Variants in GRIP2 observed in about 807,000 individuals in gnomAD.
GRIP2 encodes the protein glutamate receptor-interacting protein 2.
Under a neutral mutation model 108.3 loss-of-function variants are expected in GRIP2, and 58 were observed. The observed-to-expected ratio is 0.54, with a 90% confidence interval of 0.43 to 0.67. The LOEUF is 0.67. Ranked by LOEUF, GRIP2 falls within the 30% of genes least tolerant of loss-of-function variation. GRIP2 has a pLI of 0.00. For missense variants in GRIP2, 1,278 were observed against 1,430.6 expected, an observed-to-expected ratio of 0.89 and a Z score of 1.72; for synonymous variants, 586 against 598.2, an observed-to-expected ratio of 0.98 and a Z score of 0.30.
the GRIP2 span, among the ~76,000 whole-genome samples, chr3:14,567,533 G>A: frequency 2.0e-5 from 3 of 152,152 alleles, no homozygotes; most frequent in African/African-American, 7.2e-5. Flanking sequence ...CACCACTCCA[G>A]GGACAAGGAA....
the GRIP2 span, among the ~76,000 whole-genome samples, chr3:14,590,080 C>T: frequency 2.6e-5 from 4 of 152,168 alleles, no homozygotes; most frequent in African/African-American, 4.8e-5. Flanking sequence ...GGGTGAGCCA[C>T]CACACCCAGC....
Position 14,505,713 on chromosome 3 carries a change from G to C in GRIP2, c.2475C>G (p.Pro825=). The C allele has an allele frequency of 6.3e-7, 1 of 1,592,382 alleles. No homozygotes were observed. Among genetic ancestry groups the C allele is most frequent in the Non-Finnish European group, 8.5e-7 (1 of 1,169,770 alleles). The part of the protein sequence containing the change: ...ERRPGWLRGS[P]PPTEPRRTSY... The stretch of plus-strand genomic sequence containing the variant: ...TCGTCCTCCGGGGCTCGGTGGGTGG[G>C]GGGCTGCCCCTCAGCCAGCCAGGCC... The change falls in exon 20 of 24, where the codon CCC becomes CCG. Residue 825 remains proline, a synonymous_variant. Coordinates refer to ENST00000621039, the MANE Select transcript of GRIP2 (RefSeq NM_001080423.4). This position sits in a 1 kb window ranked among gnomAD's most constrained non-coding sequence, Gnocchi z 4.2.
rs1053128326 is a variant in GRIP2 at position 14,513,542 on chromosome 3, T to C, written c.1639+123A>G. ...TTCCCACTATAAGCTGCAAAGCCCC[T>C]GGGAGAAGGGCACTGGGCACAGAGG... On this transcript the variant is annotated intron_variant, in intron 13 of 23. Transcript: ENST00000621039. The C allele has an allele frequency of 4.6e-6, 6 of 1,297,098 alleles. No homozygotes were observed. In the African/African-American group the frequency reaches 5.9e-5, roughly 13 times the overall value. The allele number at this position is 1,297,098 out of a possible 1,614,324, so 80.3% of individuals were successfully genotyped here.
At chr3:14,547,987 G>C (rs1695082701) in intron 1 of GRIP2, among the ~76,000 whole-genome samples, 1 of 152,208 alleles carries the variant, frequency 6.6e-6, no homozygotes, top group Admixed American at 6.5e-5. Context: ...CATCCAAAGA[G>C]GATCTGCCAC....
In GRIP2 at chr3:14,493,791, G is replaced by A. The variant is rs746099010; in HGVS notation, c.3006C>T (p.Cys1002=). 1.3e-5 allele frequency: 21 copies of A among 1,613,628 alleles called. No individual in the cohort carries two copies. Among genetic ancestry groups the A allele is most frequent in the Non-Finnish European group, 1.8e-5 (21 of 1,179,700 alleles). Residue 1002 remains cysteine, a synonymous_variant, in exon 24 of 24, where the codon TGC becomes TGT. Transcript: ENST00000621039. ...NHVRTRDFDC[C]LAVPLLAEAG... ...CCTCGGCCAGGAGTGGCACCGCCAGGCAGCAGTCGAAGTCCCGTGTACGGA... is the reference window on the plus strand; with the variant it reads ...CCTCGGCCAGGAGTGGCACCGCCAGACAGCAGTCGAAGTCCCGTGTACGGA...
At chr3:14,527,854 C>A (rs751695412) in intron 1 of GRIP2, among the ~76,000 whole-genome samples, 3 of 151,874 alleles carry the variant, frequency 2.0e-5, no homozygotes, top group Non-Finnish European at 4.4e-5. Flanking sequence ...CAAGACCGTG[C>A]CACATCACTC....
the GRIP2 span, among the ~76,000 whole-genome samples, chr3:14,598,230 C>T: frequency 6.6e-6 from 1 of 151,918 alleles, no homozygotes; most frequent in Non-Finnish European, 1.5e-5. Context: ...GCTTGCGGTT[C>T]TGACAGGGAA....
chr3:14,523,328 C>T (rs766798086), intron 5 of GRIP2: 2 of 572,272 alleles, frequency 3.5e-6, no homozygotes, highest in Non-Finnish European at 6.2e-6. Flanking sequence ...ACCTTATTTC[C>T]CCTTTTCCCT....
chr3:14,579,434 C>G, the GRIP2 span, among the ~76,000 whole-genome samples: 58 of 152,314 alleles, frequency 3.8e-4, no homozygotes, highest in South Asian at 0.012. Flanking sequence ...AAAAATGTCC[C>G]TGAGGCAACC....
intron 17 of GRIP2, among the ~76,000 whole-genome samples, 158 bp downstream of exon 17, chr3:14,509,662 G>T (rs893124016): frequency 9.2e-5 from 14 of 152,268 alleles, no homozygotes; most frequent in African/African-American, 3.4e-4. Flanking sequence ...TACAAATGCA[G>T]ACCTGAGTCT....
In GRIP2 at chr3:14,493,517, G is replaced by A; in HGVS notation, c.*148C>T. On this transcript the variant is annotated 3_prime_UTR_variant, in exon 24 of 24. Coordinates refer to ENST00000621039, the MANE Select transcript of GRIP2 (RefSeq NM_001080423.4). ...TGGCACCCCAGTCACCACAGACCTG[G>A]GGAACAGAGACCAAGCATCATCCCA... is the stretch of plus-strand genomic sequence containing the variant. The A allele has an allele frequency of 3.1e-6, 3 of 983,596 alleles. No individual in the cohort carries two copies. Among genetic ancestry groups the A allele is most frequent in the Non-Finnish European group, 4.3e-6 (3 of 689,968 alleles). 60.9% of individuals were successfully genotyped at this position (983,596 alleles called of 1,614,324 possible).
chr3:14,547,845 C>T (rs888341674), intron 1 of GRIP2, among the ~76,000 whole-genome samples: 1 of 152,264 alleles, frequency 6.6e-6, no homozygotes, highest in African/African-American at 2.4e-5. Flanking sequence ...GCAGTGGCCC[C>T]TCCCTGCCCT....
At chr3:14,556,615 C>T (rs1024202851), upstream of GRIP2, among the ~76,000 whole-genome samples, 2 of 152,326 alleles carry the variant, frequency 1.3e-5, no homozygotes, top group South Asian at 4.1e-4. Context: ...ACCTAGGCCC[C>T]GCCTCTTAAC....
chr3:14,544,474 G>A (rs950244155), upstream of GRIP2, among the ~76,000 whole-genome samples: 10 of 152,144 alleles, frequency 6.6e-5, no homozygotes, highest in African/African-American at 2.4e-4. Context: ...GCACAGCGAG[G>A]GCCTGGACCC....
At chr3:14,536,318 G>A (rs372505700) in intron 1 of GRIP2, among the ~76,000 whole-genome samples, 35 of 152,334 alleles carry the variant, frequency 2.3e-4, no homozygotes, top group African/African-American at 6.7e-4. Flanking sequence ...CTGAGGCCCA[G>A]AGAAGCCACT....
chr3:14,523,536 C>G (rs7648916), intron 5 of GRIP2, 76 bp downstream of exon 5: 1 of 942,464 alleles, frequency 1.1e-6, no homozygotes, highest in African/African-American at 1.6e-5. Context: ...ACATTCAAAT[C>G]CAAACAGCAC....
chr3:14,563,088 G>A, the GRIP2 span, among the ~76,000 whole-genome samples: 2 of 152,300 alleles, frequency 1.3e-5, no homozygotes, highest in East Asian at 1.9e-4. Context: ...AATGTGGCAA[G>A]GGACCTTACT....
chr3:14,581,584 C>T, the GRIP2 span, among the ~76,000 whole-genome samples: 4 of 152,338 alleles, frequency 2.6e-5, no homozygotes, highest in African/African-American at 7.2e-5. Flanking sequence ...AGGACTTTTG[C>T]TGGAGCCATC....
At chr3:14,541,474 C>G (rs1056340372), upstream of GRIP2, among the ~76,000 whole-genome samples, 7 of 152,160 alleles carry the variant, frequency 4.6e-5, no homozygotes, top group Admixed American at 4.6e-4. Flanking sequence ...GTTAGGGACC[C>G]GAGGTTTCTT....
Sources: gnomAD v4.1 joint callset for allele counts (sites outside exome capture counted in the v4.1 genomes callset) on GRCh38, gnomAD v4.1.1 for gene constraint, Gnocchi (gnomAD v3.1) non-coding constraint, MANE v1.5 for transcripts, NCBI Gene and HGNC (gene_info 2026-07-23, HGNC 2026-07-21) for gene names.